Variants in CDH18 observed in about 807,000 individuals in gnomAD.
CDH18 encodes the protein cadherin 18, also known as cadherin-18.
CDH18 carries 31 observed loss-of-function variants against 67.9 expected under a neutral mutation model. The ratio of observed to expected loss-of-function variants is 0.46; its 90% CI spans 0.34 to 0.62. The LOEUF (loss-of-function observed/expected upper bound fraction) is 0.62, where lower values mean the gene tolerates loss of function less well. Ranked by LOEUF, CDH18 falls within the 20% of genes least tolerant of loss-of-function variation. The pLI is 0.01. For synonymous variants in CDH18, 362 were observed against 347.2 expected (o/e 1.04, Z -0.48); for missense variants, 890 against 975.5 (o/e 0.91, Z 1.17).
intron 2 of CDH18, among the ~76,000 whole-genome samples, chr5:20,078,188 G>A (rs1373886092): frequency 6.6e-6 from 1 of 152,166 alleles, no homozygotes; most frequent in African/African-American, 2.4e-5. Flanking sequence ...ATGGCCGGGT[G>A]TGGTGGCTTA....
At chr5:19,613,546 T>A (rs1215601783) in intron 5 of CDH18, among the ~76,000 whole-genome samples, 1 of 152,178 alleles carries the variant, frequency 6.6e-6, no homozygotes, top group Non-Finnish European at 1.5e-5. Context: ...ACATTTTTTA[T>A]CTTAGTAGTG....
At chr5:19,938,151 G>A (rs1215976953) in intron 2 of CDH18, among the ~76,000 whole-genome samples, 1 of 150,516 alleles carries the variant, frequency 6.6e-6, no homozygotes, top group Non-Finnish European at 1.5e-5. Context: ...CTGTGAAGCA[G>A]TGGAGTCACT....
chr5:19,899,096 A>G (rs1182705460), intron 2 of CDH18, among the ~76,000 whole-genome samples: 1 of 152,122 alleles, frequency 6.6e-6, no homozygotes, highest in Non-Finnish European at 1.5e-5. Context: ...GCAAATCAAA[A>G]CCAAAATAAG....
chr5:20,380,654 TA>T (rs1333330285), intron 1 of CDH18, among the ~76,000 whole-genome samples: 3 of 152,188 alleles, frequency 2.0e-5, no homozygotes, highest in African/African-American at 4.8e-5. Flanking sequence ...ATTTTTGAAA[TA>T]TTTTTTCTTT....
intron 5 of CDH18, among the ~76,000 whole-genome samples, chr5:19,706,106 T>C (rs564428732): frequency 1.5e-3 from 225 of 152,282 alleles, no homozygotes; most frequent in South Asian, 5.0e-3. Context: ...ATTAATGTGA[T>C]TTCTGATTCT....
intron 2 of CDH18, among the ~76,000 whole-genome samples, chr5:20,224,439 A>G (rs1249980722): frequency 6.6e-6 from 1 of 152,044 alleles, no homozygotes; most frequent in Non-Finnish European, 1.5e-5. Context: ...AGCTAAATTC[A>G]TAACATGAAT....
chr5:19,491,268 T>C (rs1741425540), intron 11 of CDH18, among the ~76,000 whole-genome samples: 1 of 152,208 alleles, frequency 6.6e-6, no homozygotes, highest in Non-Finnish European at 1.5e-5. Flanking sequence ...TATATGAGGC[T>C]TGATTTGCAA....
intron 2 of CDH18, among the ~76,000 whole-genome samples, chr5:20,009,488 C>G (rs1354411211): frequency 6.6e-6 from 1 of 152,058 alleles, no homozygotes; most frequent in African/African-American, 2.4e-5. Context: ...TATTAACTAT[C>G]AGAGTATAAT....
chr5:20,094,533 A>G (rs1745714854), intron 2 of CDH18, among the ~76,000 whole-genome samples: 1 of 152,170 alleles, frequency 6.6e-6, no homozygotes, highest in Non-Finnish European at 1.5e-5. Flanking sequence ...AATAGCATTG[A>G]ATTTATAAAT....
intron 1 of CDH18, among the ~76,000 whole-genome samples, chr5:20,491,912 A>G (rs1282003229): frequency 6.6e-6 from 1 of 152,136 alleles, no homozygotes; most frequent in Non-Finnish European, 1.5e-5. Flanking sequence ...AAACATTGGA[A>G]TTCAGTTTTC....
At chr5:20,525,979 G>A (rs1037729331) in intron 1 of CDH18, among the ~76,000 whole-genome samples, 4 of 151,452 alleles carry the variant, frequency 2.6e-5, no homozygotes, top group African/African-American at 9.8e-5. Context: ...AGTAGCAAAA[G>A]AAAACAATAT....
At chr5:20,209,531 G>A in intron 2 of CDH18, among the ~76,000 whole-genome samples, 1 of 151,986 alleles carries the variant, frequency 6.6e-6, no homozygotes, top group East Asian at 1.9e-4. Context: ...ATACGTGGGA[G>A]CTTAAAATGT....
At chr5:19,953,749 C>T (rs1212211512) in intron 2 of CDH18, among the ~76,000 whole-genome samples, 1 of 151,946 alleles carries the variant, frequency 6.6e-6, no homozygotes, top group Non-Finnish European at 1.5e-5. Context: ...CAGCATATTG[C>T]TTTATGTCAT....
intron 1 of CDH18, among the ~76,000 whole-genome samples, chr5:20,291,882 T>C (rs1209049358): frequency 2.0e-5 from 3 of 152,188 alleles, no homozygotes; most frequent in Non-Finnish European, 4.4e-5. Context: ...AAATTCAGAA[T>C]GTCTCCTCTG....
intron 2 of CDH18, among the ~76,000 whole-genome samples, chr5:19,862,585 T>C (rs1359963730): frequency 6.6e-6 from 1 of 152,210 alleles, no homozygotes; most frequent in Non-Finnish European, 1.5e-5. Flanking sequence ...GCTTACATTA[T>C]TTAACTTCTT....
chr5:19,579,022 C>A (rs1047144812), intron 7 of CDH18, among the ~76,000 whole-genome samples: 2 of 151,816 alleles, frequency 1.3e-5, no homozygotes, highest in Non-Finnish European at 2.9e-5. Flanking sequence ...ACTAAATATT[C>A]TATAGGCGCT....
intron 2 of CDH18, among the ~76,000 whole-genome samples, chr5:20,155,526 C>G (rs890390532): frequency 6.6e-6 from 1 of 151,976 alleles, no homozygotes; most frequent in African/African-American, 2.4e-5. Context: ...TGTAGGTTGT[C>G]TGTTTACTGT....
At chr5:19,564,870 C>T (rs1040333201) in intron 8 of CDH18, among the ~76,000 whole-genome samples, 3 of 151,670 alleles carry the variant, frequency 2.0e-5, no homozygotes, top group Non-Finnish European at 4.4e-5. Context: ...CAGTGTTCAG[C>T]ACAAGCTGAC....
rs758320408 is a variant in CDH18, at chr5:19,747,199, T to C, written c.266A>G (p.Lys89Arg). Residue 89 changes from lysine (K) to arginine (R), a missense_variant, in exon 4 of 13, where the codon AAG becomes AGG. Physicochemically the swap from Lys to Arg is conservative, Grantham distance 26 (BLOSUM62 2). This residue lies in a region of CDH18 where 234 missense variants were observed against 307.4 expected (regional missense o/e 0.76). Coordinates refer to ENST00000382275, the MANE Select transcript of CDH18 (RefSeq NM_004934.5). ...SNSDKGDGSV[K>R]YILTGEGAGT... Reference sequence around the variant, plus strand: ...AGCACCCTCTCCAGTAAGGATGTACTTGACAGATCCATCACCTTTGTCAGA... The same window carrying C: ...AGCACCCTCTCCAGTAAGGATGTACCTGACAGATCCATCACCTTTGTCAGA... 1.2e-6 allele frequency: 2 copies of C among 1,614,026 alleles called. No individual in the cohort carries two copies. Among genetic ancestry groups the C allele is most frequent in the South Asian group, 2.2e-5 (2 of 91,076 alleles).
Sources: allele counts gnomAD v4.1 joint callset (sites outside exome capture counted in the v4.1 genomes callset), GRCh38; gene constraint gnomAD v4.1.1; regional missense constraint gnomAD v4.1.1; transcripts MANE v1.5; gene names NCBI Gene and HGNC (gene_info 2026-07-23, HGNC 2026-07-21).